The following SPNS3 variants were observed in gnomAD, a reference collection of about 807,000 sequenced individuals.
SPNS3 encodes SPNS lysolipid transporter 3, sphingosine-1-phosphate (putative), also known as protein spinster homolog 3.
A neutral mutation model predicts 54.4 loss-of-function variants in SPNS3; 51 were observed. That is an observed-to-expected ratio of 0.94 (90% confidence interval 0.75 to 1.18). The LOEUF (loss-of-function observed/expected upper bound fraction) is 1.18, where lower values mean the gene tolerates loss of function less well. Among genes scored for constraint, SPNS3 ranks in the 50% most tolerant of loss-of-function variants. The probability of loss-of-function intolerance (pLI) is 0.00; values close to 1 mark genes in which losing one functional copy is unlikely to be tolerated. For synonymous variants in SPNS3, 309 were observed against 294.7 expected (o/e 1.05, Z -0.50); for missense variants, 669 against 677.4 (o/e 0.99, Z 0.14).
At chr17:4,463,961 T>C (rs1971613564) in intron 8 of SPNS3, among the ~76,000 whole-genome samples, 1 of 152,190 alleles carries the variant, frequency 6.6e-6, no homozygotes, top group Non-Finnish European at 1.5e-5. Context: ...TGTGTGCACA[T>C]GTGGACCTGC....
intron 8 of SPNS3, among the ~76,000 whole-genome samples, chr17:4,473,056 T>G (rs1971901253): frequency 6.6e-6 from 1 of 152,086 alleles, no homozygotes; most frequent in Non-Finnish European, 1.5e-5. Context: ...CCCAAAGTGT[T>G]GGGATTATAG....
Position 4,446,135 on chromosome 17 carries a change from C to T in SPNS3, c.490C>T (p.Leu164Phe), listed in dbSNP as rs1335161749. The change falls in exon 4 of 12, where the codon CTC (leucine) becomes TTC (phenylalanine). Residue 164 changes from leucine to phenylalanine, a missense_variant. Coordinates refer to ENST00000355530, the MANE Select transcript of SPNS3 (RefSeq NM_182538.5). ...STIAPTVLGD[L>F]FVRDQRTRVL... is the part of the protein sequence containing the mutation. ...CATCGCGCCCACCGTCCTGGGCGACCTCTTCGTGAGGGACCAGCGCACCCG... is the reference window on the plus strand; with the variant it reads ...CATCGCGCCCACCGTCCTGGGCGACTTCTTCGTGAGGGACCAGCGCACCCG... The T allele has an allele frequency of 3.7e-6, 6 of 1,613,650 alleles. No individual in the cohort carries two copies. The highest frequency in any genetic ancestry group is 1.7e-5 in the Admixed American group (1 of 59,988).
intron 11 of SPNS3, among the ~76,000 whole-genome samples, chr17:4,487,159 G>T (rs1303667122): frequency 9.6e-6 from 1 of 104,522 alleles, no homozygotes; most frequent in African/African-American, 3.9e-5. Flanking sequence ...GCGACAGCAA[G>T]ACTGTCTCAA....
intron 8 of SPNS3, among the ~76,000 whole-genome samples, chr17:4,455,594 C>A (rs1022213357): frequency 6.6e-6 from 1 of 152,190 alleles, no homozygotes; most frequent in African/African-American, 2.4e-5. Flanking sequence ...GGGGCCCCCT[C>A]TCATGAGCAC....
At position 4,446,091 on chromosome 17, in the gene SPNS3, G is replaced by C. The variant is rs1376276544; in HGVS notation, c.446G>C (p.Gly149Ala). 2 of 1,612,900 alleles carry C rather than the reference G, an allele frequency of 1.2e-6. No individual in the cohort carries two copies. Among genetic ancestry groups the C allele is most frequent in the Non-Finnish European group, 1.7e-6 (2 of 1,179,262 alleles). ...FFLSRGIVGT[G>A]SASYSTIAPT... ...CTGTCCCGGGGCATCGTGGGCACTG[G>C]CTCGGCCAGCTACTCCACCATCGCG... Residue 149 changes from glycine to alanine, a missense_variant, in exon 4 of 12, where the codon GGC (glycine) becomes GCC (alanine). By Grantham distance (60) the Gly-to-Ala change is moderately conservative. Transcript: ENST00000355530.
intron 8 of SPNS3, among the ~76,000 whole-genome samples, chr17:4,468,117 C>T (rs1971732524): frequency 6.6e-6 from 1 of 152,136 alleles, no homozygotes. Flanking sequence ...GTTTAACAGG[C>T]TCTCTCTGGC....
chr17:4,468,391 C>G (rs1006374435), intron 8 of SPNS3, among the ~76,000 whole-genome samples: 1 of 152,058 alleles, frequency 6.6e-6, no homozygotes, highest in Non-Finnish European at 1.5e-5. Context: ...ATGGCTTGGA[C>G]CAGGGTAGCT....
At chr17:4,472,760 T>C (rs1971888535) in intron 8 of SPNS3, among the ~76,000 whole-genome samples, 2 of 149,742 alleles carry the variant, frequency 1.3e-5, no homozygotes, top group Non-Finnish European at 3.0e-5. Context: ...TTGTCTGCTC[T>C]TTTGCTTGGC....
intron 1 of SPNS3, among the ~76,000 whole-genome samples, chr17:4,435,383 T>C (rs910188876): frequency 5.3e-5 from 8 of 150,012 alleles, no homozygotes; most frequent in Admixed American, 1.3e-4. Context: ...GATCCCACCA[T>C]TGAGCCAAGA....
intron 9 of SPNS3, among the ~76,000 whole-genome samples, chr17:4,484,467 C>T (rs1369426715): frequency 2.6e-5 from 4 of 152,132 alleles, no homozygotes; most frequent in Non-Finnish European, 4.4e-5. Context: ...ATTATAGGCA[C>T]GCGCCACCAC....
chr17:4,448,295 G>A lies in SPNS3; in HGVS notation c.762G>A (p.Leu254=). The part of the protein sequence containing the change: ...RSSWCEDVRY[L]GKNWSFVWST... ...GCTGGTGTGAGGACGTCAGATACCT[G>A]GGGAAAAAGTGAGTATCCCTGCTAC... The change falls in exon 6 of 12, where the codon CTG becomes CTA. Residue 254 remains leucine (L), a synonymous_variant. Coordinates refer to ENST00000355530, the MANE Select transcript of SPNS3 (RefSeq NM_182538.5). 6.4e-7 allele frequency: 1 copy of A among 1,562,228 alleles called. No homozygotes were observed.
At chr17:4,445,363 A>G (rs1970956068) in intron 3 of SPNS3, among the ~76,000 whole-genome samples, 195 bp downstream of exon 3, 1 of 144,796 alleles carries the variant, frequency 6.9e-6, no homozygotes, top group African/African-American at 2.6e-5. Flanking sequence ...TGCACAGGGC[A>G]GAGCTGGTGG....
chr17:4,452,335 A>T (rs1214235618), intron 7 of SPNS3, among the ~76,000 whole-genome samples: 9 of 152,042 alleles, frequency 5.9e-5, no homozygotes, highest in African/African-American at 2.2e-4. Context: ...CCTGCCACAA[A>T]ATGCACTCCT....
In SPNS3 at chr17:4,481,412, G is replaced by A. The variant is rs190178675; in HGVS notation, c.1179+2775G>A. On this transcript the variant is annotated intron_variant, in intron 9 of 11. Coordinates refer to ENST00000355530, the MANE Select transcript of SPNS3 (RefSeq NM_182538.5). Reference sequence around the variant, plus strand: ...GAGATCGGCTTCTCTTTCAGCAGGGGCCCAGGGAGGGAGGAGGCCTTAGGG... The same window carrying A: ...GAGATCGGCTTCTCTTTCAGCAGGGACCCAGGGAGGGAGGAGGCCTTAGGG... Among the ~76,000 whole-genome samples, 60 of 152,268 alleles carry A rather than the reference G, an allele frequency of 3.9e-4. 1 individual carries two copies. The highest frequency in any genetic ancestry group is 3.9e-3 in the Admixed American group (59 of 15,294).
At chr17:4,436,259 C>G (rs72831330) in intron 1 of SPNS3, among the ~76,000 whole-genome samples, 23,376 of 152,104 alleles carry the variant, frequency 0.15, 2,244 homozygotes, top group Non-Finnish European at 0.22. Flanking sequence ...CTGTCAGTTA[C>G]CAGCTCAGCA....
chr17:4,485,394 T>C (rs1306237096), intron 9 of SPNS3, among the ~76,000 whole-genome samples: 1 of 151,776 alleles, frequency 6.6e-6, no homozygotes, highest in African/African-American at 2.4e-5. Context: ...GTTCTTTATT[T>C]TTTTTATTTT....
chr17:4,480,652 T>A (rs867549342), intron 9 of SPNS3, among the ~76,000 whole-genome samples: 46 of 149,610 alleles, frequency 3.1e-4, no homozygotes, highest in Middle Eastern at 3.2e-3. Context: ...AAGAGGAGAG[T>A]GTGTGCTGGA....
chr17:4,434,274 G>A, intron 1 of SPNS3, 108 bp downstream of exon 1: 4 of 1,126,656 alleles, frequency 3.6e-6, no homozygotes, highest in Non-Finnish European at 5.1e-6. Context: ...CTGCTCCTGG[G>A]CCCATCTCTG....
intron 8 of SPNS3, among the ~76,000 whole-genome samples, chr17:4,462,178 C>A (rs1446902933): frequency 0.3 from 20 of 66 alleles, no homozygotes; most frequent in East Asian, 0.5. Flanking sequence ...TCCATCCATC[C>A]ATCCATCCAT....
Sources: gnomAD v4.1 joint callset for allele counts (sites outside exome capture counted in the v4.1 genomes callset) on GRCh38, gnomAD v4.1.1 for gene constraint, MANE v1.5 for transcripts, NCBI Gene and HGNC (gene_info 2026-07-23, HGNC 2026-07-21) for gene names.